NOP9: variants seen among roughly 807,000 people sequenced by gnomAD.
The protein encoded by NOP9 is NOP9 nucleolar protein.
In NOP9, 50 loss-of-function variants were observed where a neutral mutation model predicts 63.0. The ratio of observed to expected loss-of-function variants is 0.79; its 90% CI spans 0.63 to 1.00. The LOEUF (loss-of-function observed/expected upper bound fraction) is 1.00, where lower values mean the gene tolerates loss of function less well. NOP9 is among the 50% of genes least tolerant of loss of function. The probability of loss-of-function intolerance (pLI) is 0.00; values close to 1 mark genes in which losing one functional copy is unlikely to be tolerated. For missense variants in NOP9, 758 were observed against 803.0 expected, an observed-to-expected ratio of 0.94 and a Z score of 0.68; for synonymous variants, 343 against 332.8, an observed-to-expected ratio of 1.03 and a Z score of -0.33.
chr14:24,274,926 T>TC, the NOP9 span, among the ~76,000 whole-genome samples: 1 of 144,510 alleles, frequency 6.9e-6, no homozygotes, highest in South Asian at 2.2e-4. Context: ...TTTTTTTTTT[T>TC]TGAGACAAAT....
At chr14:24,299,422 G>C (rs2041325274), upstream of NOP9, 1 of 274,638 alleles carries the variant, frequency 3.6e-6, no homozygotes, top group Non-Finnish European at 6.9e-6. Flanking sequence ...TGGCGCGGCA[G>C]CCCCTCGGGG....
chr14:24,303,949 A>G, intron 7 of NOP9, 92 bp downstream of exon 7: 2 of 1,585,868 alleles, frequency 1.3e-6, no homozygotes, highest in Non-Finnish European at 1.7e-6. Context: ...GAGAGTGGTG[A>G]CTTCATCCAG....
the NOP9 span, among the ~76,000 whole-genome samples, chr14:24,273,815 T>C: frequency 6.6e-6 from 1 of 152,316 alleles, no homozygotes; most frequent in South Asian, 2.1e-4. Flanking sequence ...CACTTGCTTG[T>C]CCCAGTGTGA....
rs2041333130 is a variant in NOP9, at chr14:24,299,859, T to C, written c.-96T>C. 5 of 1,433,404 alleles carry C rather than the reference T, an allele frequency of 3.5e-6. No individual in the cohort carries two copies. The highest frequency in any genetic ancestry group is 2.8e-6 in the Non-Finnish European group (3 of 1,089,312). The allele number at this position is 1,433,404 out of a possible 1,614,324, so 88.8% of individuals were successfully genotyped here. ...GCTGCGTCAGGAGCGCGCCCGCGTT[T>C]CTAAACTTTGTCTGGATAAGGCGCA... On this transcript the variant is annotated 5_prime_UTR_variant, in exon 1 of 10. Coordinates refer to ENST00000267425, the MANE Select transcript of NOP9 (RefSeq NM_174913.3).
rs779982047 is a variant in NOP9 at position 24,305,003 on chromosome 14, A to G, written c.1819A>G (p.Thr607Ala). The G allele has an allele frequency of 3.7e-6, 6 of 1,605,268 alleles. No homozygotes were observed. Reference protein sequence around the residue: ...GHHVARNVALTTFLKRREAWE... With the variant: ...GHHVARNVALATFLKRREAWE... Reference sequence around the variant, plus strand: ...CCATGTGGCTCGAAATGTGGCCTTGACTACCTTCCTAAAGCGGCGAGAGGC... The same window carrying G: ...CCATGTGGCTCGAAATGTGGCCTTGGCTACCTTCCTAAAGCGGCGAGAGGC... Residue 607 changes from threonine (T) to alanine (A), a missense_variant, in exon 10 of 10, where the codon ACT (threonine) becomes GCT (alanine). Thr to Ala is a moderately conservative substitution (Grantham distance 58). Transcript: ENST00000267425.
the NOP9 span, among the ~76,000 whole-genome samples, chr14:24,280,444 T>C: frequency 6.6e-6 from 1 of 152,160 alleles, no homozygotes; most frequent in African/African-American, 2.4e-5. Flanking sequence ...GCATTATAGC[T>C]CATCCTGTGG....
At chr14:24,282,019 G>A in the NOP9 span, among the ~76,000 whole-genome samples, 33 of 152,298 alleles carry the variant, frequency 2.2e-4, 1 homozygote, top group East Asian at 4.8e-3. Context: ...ACCAGCCTGG[G>A]AAACCCCGTC....
chr14:24,284,792 G>A, the NOP9 span, among the ~76,000 whole-genome samples: 1 of 152,116 alleles, frequency 6.6e-6, no homozygotes, highest in Non-Finnish European at 1.5e-5. Flanking sequence ...GGTGACAAAG[G>A]GAAAGGGCAG....
chr14:24,288,807 A>G, the NOP9 span, among the ~76,000 whole-genome samples: 5 of 152,146 alleles, frequency 3.3e-5, no homozygotes, highest in African/African-American at 1.2e-4. Flanking sequence ...AGACAATGCC[A>G]TCATGGAAAG....
chr14:24,299,952 C>T lies in NOP9; in HGVS notation c.-3C>T, dbSNP rs761104374. Reference sequence around the variant, plus strand: ...TTGCAGCCGGACAGGTCGCGAAGCACACATGGGGCAGGGTCCGCGCTCTCC... The same window carrying T: ...TTGCAGCCGGACAGGTCGCGAAGCATACATGGGGCAGGGTCCGCGCTCTCC... On this transcript the variant is annotated 5_prime_UTR_variant, in exon 1 of 10. Coordinates refer to ENST00000267425, the MANE Select transcript of NOP9 (RefSeq NM_174913.3). 6.5e-7 allele frequency: 1 copy of T among 1,536,806 alleles called. No homozygotes were observed. Among genetic ancestry groups the T allele is most frequent in the South Asian group, 1.2e-5 (1 of 81,550 alleles).
the NOP9 span, among the ~76,000 whole-genome samples, chr14:24,272,724 G>A: frequency 7.2e-4 from 110 of 152,276 alleles, no homozygotes; most frequent in African/African-American, 2.4e-3. Flanking sequence ...CTACTCTCTG[G>A]CTGTATATCC....
the NOP9 span, chr14:24,271,261 C>T: frequency 1.8e-6 from 2 of 1,090,508 alleles, no homozygotes; most frequent in Non-Finnish European, 2.6e-6. Flanking sequence ...GGGCAGAGAC[C>T]CCCAGAGTGT....
chr14:24,305,828 T>C lies in NOP9; in HGVS notation c.*733T>C. 1 of 1,598,594 alleles carries C rather than the reference T, an allele frequency of 6.3e-7. No individual in the cohort carries two copies. The highest frequency in any genetic ancestry group is 8.5e-7 in the Non-Finnish European group (1 of 1,171,244). On this transcript the variant is annotated 3_prime_UTR_variant, in exon 10 of 10. Coordinates refer to ENST00000267425, the MANE Select transcript of NOP9 (RefSeq NM_174913.3). Reference sequence around the variant, plus strand: ...AAAACTTGGGAGGAAGCCATCAAGCTGGGAGATGAGGACTTTCCACAAGCA... The same window carrying C: ...AAAACTTGGGAGGAAGCCATCAAGCCGGGAGATGAGGACTTTCCACAAGCA...
At chr14:24,304,901 G>C (rs757176336) in intron 9 of NOP9, 37 bp from the exon 10 acceptor site, 1 of 1,497,984 alleles carries the variant, frequency 6.7e-7, no homozygotes, top group Non-Finnish European at 8.9e-7. Context: ...CTGTCTTTGA[G>C]CATGGTAGTA....
In NOP9 at chr14:24,302,366, A is replaced by G. The variant is rs1392589667; in HGVS notation, c.1085A>G (p.His362Arg). The G allele has an allele frequency of 9.9e-6, 16 of 1,614,076 alleles. No individual in the cohort carries two copies. The highest frequency in any genetic ancestry group is 1.3e-5 in the African/African-American group (1 of 75,052). ...LQGQLQTLAA[H>R]PIANFPLQRL... ...GGGCAGCTGCAGACCCTGGCTGCAC[A>G]TCCCATTGCCAACTTCCCTTTGCAG... Residue 362 changes from histidine to arginine, a missense_variant, in exon 5 of 10, where the codon CAT becomes CGT. Transcript: ENST00000267425.
chr14:24,286,001 A>G, the NOP9 span, among the ~76,000 whole-genome samples: 1 of 152,026 alleles, frequency 6.6e-6, no homozygotes, highest in Non-Finnish European at 1.5e-5. Context: ...AAAAAAAATT[A>G]ACAATGCAAA....
chr14:24,287,718 G>A, the NOP9 span, among the ~76,000 whole-genome samples: 2 of 151,904 alleles, frequency 1.3e-5, no homozygotes, highest in South Asian at 2.1e-4. Flanking sequence ...TCCACCCCTC[G>A]CCCATCCTTT....
rs2041355676 is a variant in NOP9, at chr14:24,300,647, G to C, written c.487G>C (p.Glu163Gln). 6.3e-7 allele frequency: 1 copy of C among 1,599,474 alleles called. No individual in the cohort carries two copies. The highest frequency in any genetic ancestry group is 8.6e-7 in the Non-Finnish European group (1 of 1,168,698). The change falls in exon 2 of 10, where the codon GAG (glutamate) becomes CAG (glutamine). Residue 163 changes from glutamate (E) to glutamine (Q), a missense_variant. Physicochemically the swap from Glu to Gln is conservative, Grantham distance 29 (BLOSUM62 2). Coordinates refer to ENST00000267425, the MANE Select transcript of NOP9 (RefSeq NM_174913.3). Reference protein sequence around the residue: ...LPRLLGSAAEEEEEEEEDGKD... With the variant: ...LPRLLGSAAEQEEEEEEDGKD... Reference sequence around the variant, plus strand: ...TCGATTGCTGGGGAGTGCTGCAGAGGAGGAGGAGGAGGAGGAGGAGGATGG... The same window carrying C: ...TCGATTGCTGGGGAGTGCTGCAGAGCAGGAGGAGGAGGAGGAGGAGGATGG...
chr14:24,271,441 C>G, the NOP9 span: 3 of 256,502 alleles, frequency 1.2e-5, no homozygotes, highest in Non-Finnish European at 2.2e-5. Flanking sequence ...GCTACCCGCC[C>G]GTCCCACGGC....
Sources: gnomAD v4.1 joint callset for allele counts (sites outside exome capture counted in the v4.1 genomes callset) on GRCh38, gnomAD v4.1.1 for gene constraint, MANE v1.5 for transcripts, NCBI Gene and HGNC (gene_info 2026-07-23, HGNC 2026-07-21) for gene names.